IGFBPL1: variants seen among roughly 807,000 people sequenced by gnomAD.
The protein encoded by IGFBPL1 is insulin like growth factor binding protein like 1.
IGFBPL1 carries 20 observed loss-of-function variants against 23.9 expected under a neutral mutation model. The observed-to-expected ratio is 0.84, with a 90% CI of 0.59 to 1.22. IGFBPL1 has a LOEUF of 1.22. Among genes scored for constraint, IGFBPL1 ranks in the 50% most tolerant of loss-of-function variants. The pLI is 0.00. For synonymous variants in IGFBPL1, 184 were observed against 171.8 expected, an observed-to-expected ratio of 1.07 and a Z score of -0.56; for missense variants, 436 against 379.3, an observed-to-expected ratio of 1.15 and a Z score of -1.24.
intron 1 of IGFBPL1, among the ~76,000 whole-genome samples, chr9:38,421,473 G>C (rs1821677828): frequency 6.6e-6 from 1 of 151,980 alleles, no homozygotes; most frequent in South Asian, 2.1e-4. Context: ...GCTCCTCAGA[G>C]GCATGTATAA....
At chr9:38,418,952 T>A (rs1016019164) in intron 1 of IGFBPL1, among the ~76,000 whole-genome samples, 4 of 152,088 alleles carry the variant, frequency 2.6e-5, no homozygotes, top group African/African-American at 9.7e-5. Flanking sequence ...ATTTCCTTTT[T>A]ATCTGCAAAT....
intron 1 of IGFBPL1, among the ~76,000 whole-genome samples, chr9:38,416,462 C>T (rs1821600117): frequency 2.6e-5 from 4 of 152,058 alleles, no homozygotes; most frequent in African/African-American, 7.2e-5. Flanking sequence ...TTTAAAGGGA[C>T]GTCAAAGCAC....
chr9:38,423,559 TATCCTCTACTTCCCTTCCTCCCCC>T (rs1390166550), intron 1 of IGFBPL1, among the ~76,000 whole-genome samples: 24 of 151,114 alleles, frequency 1.6e-4, no homozygotes, highest in Admixed American at 1.6e-3. Context: ...CTTCCTCCCC[TATCCTCTACTTCCCTTCCTCCCCC>T]AACCTCAACT....
intron 4 of IGFBPL1, among the ~76,000 whole-genome samples, chr9:38,410,279 A>C (rs7848283): frequency 6.6e-6 from 1 of 151,760 alleles, no homozygotes; most frequent in Non-Finnish European, 1.5e-5. Flanking sequence ...TCGGGAGATC[A>C]AGACCATCCT....
rs1394663991 is a variant in IGFBPL1, at chr9:38,421,592, AAT to A, written c.460+2371_460+2372del. ...AGTCAGGAGGGGTGATTTTATCATG[AAT>A]ATTGAAGCAGAACAGCCCTGCTCTG... On this transcript the variant is annotated intron_variant, in intron 1 of 4. Coordinates refer to ENST00000377694, the MANE Select transcript of IGFBPL1 (RefSeq NM_001007563.3). Among the ~76,000 whole-genome samples the A allele has an allele frequency of 3.3e-5, 5 of 152,164 alleles. No homozygotes were observed. In the East Asian group the frequency reaches 9.6e-4, roughly 29 times the overall value.
chr9:38,413,269 G>T lies in IGFBPL1; in HGVS notation c.655C>A (p.Pro219Thr). ...VNIAVQVRGG[P>T]SDHEATAWIL... Reference sequence around the variant, plus strand: ...CAGGCCGTGGCCTCATGGTCAGAAGGGCCCCCTCGCACTTGGACAGCTATA... The same window carrying T: ...CAGGCCGTGGCCTCATGGTCAGAAGTGCCCCCTCGCACTTGGACAGCTATA... The change falls in exon 3 of 5, where the codon CCT (proline) becomes ACT (threonine). Residue 219 changes from proline (P) to threonine (T), a missense_variant. Pro to Thr is a conservative substitution (Grantham distance 38). Transcript: ENST00000377694. The T allele has an allele frequency of 6.2e-7, 1 of 1,613,602 alleles. No homozygotes were observed. The highest frequency in any genetic ancestry group is 8.5e-7 in the Non-Finnish European group (1 of 1,179,722).
At chr9:38,418,837 T>G (rs535674917) in intron 1 of IGFBPL1, among the ~76,000 whole-genome samples, 3 of 152,148 alleles carry the variant, frequency 2.0e-5, no homozygotes, top group Admixed American at 6.5e-5. Flanking sequence ...ATGCACATGG[T>G]CACAGGAGGC....
At chr9:38,411,353 A>G (rs759488258) in intron 4 of IGFBPL1, 38 bp downstream of exon 4, 2 of 1,557,788 alleles carry the variant, frequency 1.3e-6, no homozygotes, top group Admixed American at 1.8e-5. Context: ...ATCTCATAAC[A>G]TGGGTGTAAA....
chr9:38,411,204 A>T (rs1404465688), intron 4 of IGFBPL1, among the ~76,000 whole-genome samples, 187 bp downstream of exon 4: 1 of 152,208 alleles, frequency 6.6e-6, no homozygotes, highest in African/African-American at 2.4e-5. Flanking sequence ...AGAAGCTCAG[A>T]GGGAGATGTG....
chr9:38,414,201 G>C lies in IGFBPL1; in HGVS notation c.463C>G (p.Pro155Ala), dbSNP rs1821560021. The C allele has an allele frequency of 6.3e-7, 1 of 1,586,446 alleles. No individual in the cohort carries two copies. Among genetic ancestry groups the C allele is most frequent in the African/African-American group, 1.3e-5 (1 of 74,080 alleles). The change falls in exon 2 of 5, where the codon CCT becomes GCT. Residue 155 changes from proline to alanine, a missense_variant and splice_region_variant. Pro to Ala is a conservative substitution (Grantham distance 27, BLOSUM62 -1). Transcript: ENST00000377694. ...KARDGPCEFA[P>A]VVVVPPRSVH... ...CTTCGGGGAGGAACGACGACCACAG[G>C]AGCTAGGAGGAGGAGACAAGGAGAC...
chr9:38,415,331 G>A (rs1224426596), intron 1 of IGFBPL1, among the ~76,000 whole-genome samples: 1 of 152,180 alleles, frequency 6.6e-6, no homozygotes, highest in African/African-American at 2.4e-5. Context: ...GGTGACTCAA[G>A]GACAGCCCTG....
At chr9:38,416,610 T>C (rs549688196) in intron 1 of IGFBPL1, among the ~76,000 whole-genome samples, 2 of 152,286 alleles carry the variant, frequency 1.3e-5, no homozygotes, top group African/African-American at 4.8e-5. Context: ...ATAGCCAAGA[T>C]ACAGAACAGT....
intron 1 of IGFBPL1, among the ~76,000 whole-genome samples, chr9:38,416,899 T>G (rs928770033): frequency 6.6e-6 from 1 of 152,084 alleles, no homozygotes; most frequent in African/African-American, 2.4e-5. Context: ...CAGGCTGGTC[T>G]TAAACTCCTG....
chr9:38,411,451 A>T lies in IGFBPL1; in HGVS notation c.786T>A (p.Asp262Glu). Reference sequence around the variant, plus strand: ...AGTGGAAGCTCCTGTATTTACTCAGATCTAGAACCGTCACTGTGCTGTGGG... The same window carrying T: ...AGTGGAAGCTCCTGTATTTACTCAGTTCTAGAACCGTCACTGTGCTGTGGG... ...AESHSTVTVLDLSKYRSFHFP... is the reference protein window; with the variant it reads ...AESHSTVTVLELSKYRSFHFP... Residue 262 changes from aspartate (D) to glutamate (E), a missense_variant, in exon 4 of 5, where the codon GAT becomes GAA. Physicochemically the swap from Asp to Glu is conservative, Grantham distance 45. Coordinates refer to ENST00000377694, the MANE Select transcript of IGFBPL1 (RefSeq NM_001007563.3). 1 of 1,614,128 alleles carries T rather than the reference A, an allele frequency of 6.2e-7. No homozygotes were observed. Among genetic ancestry groups the T allele is most frequent in the Non-Finnish European group, 8.5e-7 (1 of 1,179,984 alleles).
chr9:38,422,739 A>G (rs1292711015), intron 1 of IGFBPL1, among the ~76,000 whole-genome samples: 1 of 152,108 alleles, frequency 6.6e-6, no homozygotes, highest in African/African-American at 2.4e-5. Context: ...CTGGCCACAC[A>G]CTGGTTTTAC....
chr9:38,418,055 T>C (rs1821625188), intron 1 of IGFBPL1, among the ~76,000 whole-genome samples: 1 of 152,190 alleles, frequency 6.6e-6, no homozygotes, highest in African/African-American at 2.4e-5. Context: ...GTTAGCTGTT[T>C]TCTATACAAC....
chr9:38,411,704 C>T (rs770711720), intron 3 of IGFBPL1, among the ~76,000 whole-genome samples, 155 bp from the exon 4 acceptor site: 90 of 152,146 alleles, frequency 5.9e-4, no homozygotes, highest in African/African-American at 1.9e-3. Context: ...CCAAGGAGCA[C>T]GCAGGTAAAT....
intron 1 of IGFBPL1, among the ~76,000 whole-genome samples, chr9:38,422,249 GTC>G (rs1821690441): frequency 2.6e-5 from 4 of 152,320 alleles, no homozygotes; most frequent in South Asian, 4.1e-4. Context: ...CTGTGTCTCA[GTC>G]TCTTTCTCTG....
At chr9:38,409,645 C>T (rs73646184) in intron 4 of IGFBPL1, among the ~76,000 whole-genome samples, 8,588 of 152,130 alleles carry the variant, frequency 0.056, 391 homozygotes, top group Admixed American at 0.11. Context: ...TCAAAATATA[C>T]GTGTATTTGA....
Sources: allele counts gnomAD v4.1 joint callset (sites outside exome capture counted in the v4.1 genomes callset), GRCh38; gene constraint gnomAD v4.1.1; transcripts MANE v1.5; gene names NCBI Gene and HGNC (gene_info 2026-07-23, HGNC 2026-07-21).